Variants in IGSF9B observed in about 807,000 individuals in gnomAD.
IGSF9B encodes the protein immunoglobulin superfamily member 9B.
IGSF9B carries 48 observed loss-of-function variants against 143.7 expected under a neutral mutation model. The observed-to-expected ratio is 0.33, with a 90% CI of 0.26 to 0.42. The LOEUF is 0.42. Among genes scored for constraint, IGSF9B ranks in the 20% least tolerant of loss-of-function variants. The pLI is 1.00. For synonymous variants in IGSF9B, 903 were observed against 833.1 expected, an observed-to-expected ratio of 1.08 and a Z score of -1.44; for missense variants, 1,706 against 1,980.0, an observed-to-expected ratio of 0.86 and a Z score of 2.63.
Position 133,899,354 on chromosome 11 carries a change from G to T in IGSF9B, c.*9715C>A, listed in dbSNP as rs904123770. The T allele has an allele frequency of 6.6e-6, 1 of 152,530 alleles. No homozygotes were observed. The highest frequency in any genetic ancestry group is 2.4e-5 in the African/African-American group (1 of 41,590). 9.4% of individuals were successfully genotyped at this position (152,530 alleles called of 1,614,324 possible). A position where few individuals can be genotyped will look rare whatever the true frequency, so the allele number is the denominator to read the frequency against. ...ATGACCTTTGCTCCAAGTGCCTTAA[G>T]GGCTGGCTCTTCAGAGAAGCTGGAG... On this transcript the variant is annotated 3_prime_UTR_variant, in exon 20 of 20. Transcript: ENST00000533871.
intron 15 of IGSF9B, among the ~76,000 whole-genome samples, 176 bp from the exon 16 acceptor site, chr11:133,922,906 A>G (rs1426883025): frequency 6.6e-6 from 1 of 152,258 alleles, no homozygotes; most frequent in Non-Finnish European, 1.5e-5. Flanking sequence ...AAGAGGAAGA[A>G]GAGAGGAGAG....
In IGSF9B at chr11:133,909,190, T is replaced by G. The variant is rs1478614902; in HGVS notation, c.4193A>C (p.His1398Pro). 6.5e-7 allele frequency: 1 copy of G among 1,535,798 alleles called. No homozygotes were observed. The highest frequency in any genetic ancestry group is 8.7e-7 in the Non-Finnish European group (1 of 1,146,760). Residue 1398 changes from histidine to proline, a missense_variant, in exon 20 of 20, where the codon CAT (histidine) becomes CCT (proline). By Grantham distance (77) the His-to-Pro change is moderately conservative (BLOSUM62 -2). Around this residue, in one of 7 missense-constraint regions of IGSF9B, gnomAD observed 880 missense variants for 762.9 expected, o/e 1.15. Coordinates refer to ENST00000533871, the MANE Select transcript of IGSF9B (RefSeq NM_001277285.4). The surrounding 1 kb of genome is among the most constrained non-coding windows in gnomAD (Gnocchi z 4.2). ...CCGGGCAAAGGGGTCAGGACGAGAA[T>G]GTCTCTTCTTCTTTCGGAGGCAGAC... ...EAVCLRKKKRHSRPDPFARLS... is the reference protein window; with the variant it reads ...EAVCLRKKKRPSRPDPFARLS...
At chr11:133,934,850 G>T (rs1341706929) in intron 7 of IGSF9B, among the ~76,000 whole-genome samples, 1 of 152,206 alleles carries the variant, frequency 6.6e-6, no homozygotes, top group Non-Finnish European at 1.5e-5. Flanking sequence ...ACACCAGCCG[G>T]GAAATGAGGG....
rs1939719349 is a variant in IGSF9B, at chr11:133,931,097, G to C, written c.1406C>G (p.Pro469Arg). ...GGCACGGAACTGCAGGCTCCCACTG[G>C]GCAGGGCACTGTGCTTGCTTCTGCT... ...KPSRSKHSAL[P>R]SGSLQFRALS... is the part of the protein sequence containing the mutation. Residue 469 changes from proline (P) to arginine (R), a missense_variant, in exon 11 of 20, where the codon CCC (proline) becomes CGC (arginine). Transcript: ENST00000533871. The surrounding 1 kb of genome is among the most constrained non-coding windows in gnomAD (Gnocchi z 7.7). 1 of 1,613,694 alleles carries C rather than the reference G, an allele frequency of 6.2e-7. No individual in the cohort carries two copies. The highest frequency in any genetic ancestry group is 8.5e-7 in the Non-Finnish European group (1 of 1,179,748).
At chr11:133,949,484 G>A (rs1317293295) in intron 1 of IGSF9B, among the ~76,000 whole-genome samples, 1 of 152,146 alleles carries the variant, frequency 6.6e-6, no homozygotes. Flanking sequence ...CAGTAAAGAG[G>A]GAAGATGGAG....
intron 7 of IGSF9B, 137 bp downstream of exon 7, chr11:133,935,480 C>A: frequency 9.5e-7 from 1 of 1,054,714 alleles, no homozygotes; most frequent in Non-Finnish European, 1.3e-6. Flanking sequence ...GCCATCCCTC[C>A]TTCTTCTCTT....
Position 133,953,500 on chromosome 11 carries a change from G to C in IGSF9B, c.64+3191C>G, listed in dbSNP as rs1449515757. On this transcript the variant is annotated intron_variant, in intron 1 of 19. Transcript: ENST00000533871. The surrounding 1 kb of genome is among the most constrained non-coding windows in gnomAD (Gnocchi z 4.2). ...GCCGATAGGCTCACCACGGGGTCTT[G>C]ATAGCAACCTCTGAGTCCAAACCTC... 6.6e-6 allele frequency among the ~76,000 whole-genome samples: 1 copy of C among 152,202 alleles called. No individual in the cohort carries two copies.
chr11:133,932,833 GCAGA>G (rs1555093126), intron 7 of IGSF9B, among the ~76,000 whole-genome samples: 1 of 34,900 alleles, frequency 2.9e-5, no homozygotes. Context: ...AGGTGGGAGA[GCAGA>G]CAGACAGACA....
At chr11:133,944,909 C>T (rs1940018826) in intron 2 of IGSF9B, among the ~76,000 whole-genome samples, 1 of 152,116 alleles carries the variant, frequency 6.6e-6, no homozygotes, top group Admixed American at 6.5e-5. Flanking sequence ...GGTCCCCTCC[C>T]AGTCCTGCTG....
rs1939191634 is a variant in IGSF9B at position 133,905,058 on chromosome 11, G to A, written c.*4011C>T. On this transcript the variant is annotated 3_prime_UTR_variant, in exon 20 of 20. Transcript: ENST00000533871. This position sits in a 1 kb window ranked among gnomAD's most constrained non-coding sequence, Gnocchi z 4.0. ...TACCACAGAGGCTGGACTCAACAGAGCCTTCCATGACCCGCTCAGCTCCAC... is the reference window on the plus strand; with the variant it reads ...TACCACAGAGGCTGGACTCAACAGAACCTTCCATGACCCGCTCAGCTCCAC... 6.6e-6 allele frequency among the ~76,000 whole-genome samples: 1 copy of A among 151,272 alleles called. No homozygotes were observed. Among genetic ancestry groups the A allele is most frequent in the East Asian group, 2.0e-4 (1 of 5,120 alleles).
At chr11:133,933,938 C>T (rs945177151) in intron 7 of IGSF9B, among the ~76,000 whole-genome samples, 3 of 150,616 alleles carry the variant, frequency 2.0e-5, no homozygotes, top group Admixed American at 6.6e-5. Context: ...AATACCAGGC[C>T]GAGTTATATA....
chr11:133,952,903 G>A (rs1940190420), intron 1 of IGSF9B, among the ~76,000 whole-genome samples: 3 of 152,148 alleles, frequency 2.0e-5, no homozygotes, highest in Admixed American at 1.3e-4. Flanking sequence ...ACCTCTTCTA[G>A]GAAGCAGGTG....
intron 7 of IGSF9B, among the ~76,000 whole-genome samples, chr11:133,934,865 T>G (rs1230214630): frequency 6.6e-6 from 1 of 151,868 alleles, no homozygotes; most frequent in Non-Finnish European, 1.5e-5. Context: ...TGAGGGAGAG[T>G]CTGTTATCTA....
rs117328238 is a variant in IGSF9B at position 133,924,839 on chromosome 11, G to A, written c.2100C>T (p.Ile700=). The change falls in exon 15 of 20, where the codon ATC becomes ATT. Residue 700 remains isoleucine (I), a synonymous_variant. Coordinates refer to ENST00000533871, the MANE Select transcript of IGSF9B (RefSeq NM_001277285.4). Reference sequence around the variant, plus strand: ...AAATACCTGTGCTGGAGACGCCGGCGATGTTGCTGGGCTCGCTGATCAGAT... The same window carrying A: ...AAATACCTGTGCTGGAGACGCCGGCAATGTTGCTGGGCTCGCTGATCAGAT... ...MQDLISEPSN[I]AGVSSTDIFP... is the part of the protein sequence containing the mutation. The A allele has an allele frequency of 0.011, 18,016 of 1,613,730 alleles. 153 individuals carry two copies. Among genetic ancestry groups the A allele is most frequent in the Middle Eastern group, 0.042 (255 of 6,062 alleles).
At chr11:133,940,673 C>T (rs560477241) in intron 3 of IGSF9B, among the ~76,000 whole-genome samples, 2 of 147,264 alleles carry the variant, frequency 1.4e-5, no homozygotes, top group Admixed American at 1.4e-4. Flanking sequence ...CCTCGCACGT[C>T]CTCGCACGTG....
At chr11:133,915,264 CTCTCTTTTTTTT>C (rs1289377500) in intron 18 of IGSF9B, among the ~76,000 whole-genome samples, 26 of 81,760 alleles carry the variant, frequency 3.2e-4, no homozygotes, top group Non-Finnish European at 3.1e-4. Context: ...ACTTCTCTCT[CTCTCTTTTTTTT>C]TTTTTTTTTT....
intron 19 of IGSF9B, among the ~76,000 whole-genome samples, chr11:133,910,244 AGAG>A (rs1277694080): frequency 6.6e-6 from 1 of 152,178 alleles, no homozygotes. Flanking sequence ...TAACTGAAAG[AGAG>A]GATGCCGCTA....
chr11:133,935,144 G>A (rs1001254676), intron 7 of IGSF9B, among the ~76,000 whole-genome samples: 6 of 152,226 alleles, frequency 3.9e-5, no homozygotes, highest in African/African-American at 1.2e-4. Context: ...GGGAGCAGGC[G>A]CAGGAGCTGG....
chr11:133,912,308 G>A (rs779354197), intron 18 of IGSF9B: 5 of 540,668 alleles, frequency 9.2e-6, no homozygotes, highest in South Asian at 4.6e-5. Flanking sequence ...CCCATGTAAC[G>A]CAAGCTGGGA....
Sources: allele counts gnomAD v4.1 joint callset (sites outside exome capture counted in the v4.1 genomes callset), GRCh38; gene constraint gnomAD v4.1.1; regional missense constraint gnomAD v4.1.1; non-coding constraint Gnocchi (gnomAD v3.1); transcripts MANE v1.5; gene names NCBI Gene and HGNC (gene_info 2026-07-23, HGNC 2026-07-21).